CATSPERE: variants seen among roughly 807,000 people sequenced by gnomAD.
CATSPERE encodes cation channel sperm-associated auxiliary subunit epsilon.
CATSPERE carries 93 observed loss-of-function variants against 114.1 expected under a neutral mutation model. The observed-to-expected ratio is 0.81, with a 90% CI of 0.69 to 0.97. The LOEUF (loss-of-function observed/expected upper bound fraction) is 0.97, where lower values mean the gene tolerates loss of function less well. Ranked by LOEUF, CATSPERE falls within the 50% of genes least tolerant of loss-of-function variation. The pLI is 0.00. For missense variants in CATSPERE, 1,058 were observed against 1,131.6 expected (o/e 0.93, Z 0.93); for synonymous variants, 341 against 384.1 (o/e 0.89, Z 1.31).
chr1:244,542,609 T>C (rs1313614992), intron 8 of CATSPERE, among the ~76,000 whole-genome samples: 1 of 152,192 alleles, frequency 6.6e-6, no homozygotes, highest in Non-Finnish European at 1.5e-5. Context: ...TCTGAGTTAT[T>C]TCACTTAAGA....
At chr1:244,580,211 A>ATTTTTTTT (rs747379847) in intron 11 of CATSPERE, among the ~76,000 whole-genome samples, 12 of 110,838 alleles carry the variant, frequency 1.1e-4, no homozygotes, top group Non-Finnish European at 2.0e-4. Context: ...TAATTTTTGT[A>ATTTTTTTT]TTTTTTTTTT....
At chr1:244,603,570 G>T (rs1669563274) in intron 17 of CATSPERE, among the ~76,000 whole-genome samples, 2 of 151,744 alleles carry the variant, frequency 1.3e-5, no homozygotes, top group Non-Finnish European at 2.9e-5. Flanking sequence ...TACAAACCCA[G>T]AAATTATGGG....
intron 7 of CATSPERE, among the ~76,000 whole-genome samples, chr1:244,499,584 A>G (rs552567524): frequency 5.3e-4 from 78 of 147,634 alleles, no homozygotes; most frequent in African/African-American, 1.9e-3. Context: ...ATGAGTAAGA[A>G]CATGTGGTGT....
rs911029058 is a variant in CATSPERE, at chr1:244,568,925, T to C, written c.1508-3405T>C. ...AAAAACAAAAACAAAGACAAAAAAC[T>C]CCTGCAGCTAGCCTGGTGTCTGCCC... On this transcript the variant is annotated intron_variant, in intron 10 of 21. Transcript: ENST00000366534. This position sits in a 1 kb window ranked among gnomAD's most constrained non-coding sequence, Gnocchi z 4.4. Among the ~76,000 whole-genome samples the C allele has an allele frequency of 4.6e-5, 7 of 152,072 alleles. No homozygotes were observed. The highest frequency in any genetic ancestry group is 1.7e-4 in the African/African-American group (7 of 41,420).
intron 8 of CATSPERE, among the ~76,000 whole-genome samples, chr1:244,543,308 A>G (rs543173128): frequency 6.6e-6 from 1 of 152,296 alleles, no homozygotes; most frequent in South Asian, 2.1e-4. Context: ...AGCCTTCTAA[A>G]AAGAAGGAAA....
At chr1:244,501,555 T>C (rs768407407) in intron 7 of CATSPERE, among the ~76,000 whole-genome samples, 1 of 152,200 alleles carries the variant, frequency 6.6e-6, no homozygotes, top group African/African-American at 2.4e-5. Flanking sequence ...AAGGGAAGGA[T>C]TGATAAATCA....
Position 244,518,715 on chromosome 1 carries a change from A to G in CATSPERE, c.536+17A>G. 1 of 1,264,630 alleles carries G rather than the reference A, an allele frequency of 7.9e-7. No homozygotes were observed. The highest frequency in any genetic ancestry group is 1.1e-6 in the Non-Finnish European group (1 of 904,740). 78.3% of individuals were successfully genotyped at this position (1,264,630 alleles called of 1,614,324 possible). On this transcript the variant is annotated intron_variant, in intron 8 of 21. Coordinates refer to ENST00000366534, the MANE Select transcript of CATSPERE (RefSeq NM_001130957.2). ...GAGAAGGGGGTATTTAATTTTTTTT[A>G]ATTTTAAATATAGAAATATGAAAAC...
At chr1:244,549,561 A>G (rs902190423) in intron 8 of CATSPERE, among the ~76,000 whole-genome samples, 16 of 152,214 alleles carry the variant, frequency 1.1e-4, no homozygotes, top group Middle Eastern at 3.2e-3. Flanking sequence ...AATTTAAGTT[A>G]CAGAATATTG....
intron 21 of CATSPERE, among the ~76,000 whole-genome samples, chr1:244,639,557 G>A (rs564551210): frequency 1.6e-4 from 25 of 152,116 alleles, no homozygotes; most frequent in South Asian, 1.5e-3. Flanking sequence ...GGGTGTGGTG[G>A]TGCCCTCCTG....
chr1:244,476,812 A>G (rs1669427934), intron 2 of CATSPERE, among the ~76,000 whole-genome samples: 1 of 152,224 alleles, frequency 6.6e-6, no homozygotes, highest in African/African-American at 2.4e-5. Context: ...GGAAAAAAGT[A>G]GCTTTAGAAA....
chr1:244,625,432 A>ATATATTT (rs1189412299), intron 20 of CATSPERE, among the ~76,000 whole-genome samples: 1 of 3,976 alleles, frequency 2.5e-4, no homozygotes, highest in African/African-American at 7.0e-4. Context: ...ATATATATAT[A>ATATATTT]TTTTTTTTTT....
rs2148683275 is a variant in CATSPERE at position 244,607,927 on chromosome 1, T to C, written c.2403+2133T>C. Among the ~76,000 whole-genome samples the C allele has an allele frequency of 6.6e-6, 1 of 151,328 alleles. No individual in the cohort carries two copies. The highest frequency in any genetic ancestry group is 1.5e-5 in the Non-Finnish European group (1 of 67,852). On this transcript the variant is annotated intron_variant, in intron 18 of 21. Transcript: ENST00000366534. The surrounding 1 kb of genome is among the most constrained non-coding windows in gnomAD (Gnocchi z 4.4). The stretch of plus-strand genomic sequence containing the variant: ...AGGAGTTTGAGACTGACCAACATGG[T>C]GAAACCCCATATCTCCTAAAAATAA...
rs1223311033 is a variant in CATSPERE at position 244,617,523 on chromosome 1, G to A, written c.2491-6G>A. On this transcript the variant is annotated splice_region_variant and splice_polypyrimidine_tract_variant and intron_variant, in intron 19 of 21. Coordinates refer to ENST00000366534, the MANE Select transcript of CATSPERE (RefSeq NM_001130957.2). ...CTTAAAATTTTTGTCTTTGTTTCTTGTTCAGAACTATAAACACTGTTTTTC... is the reference window on the plus strand; with the variant it reads ...CTTAAAATTTTTGTCTTTGTTTCTTATTCAGAACTATAAACACTGTTTTTC... 1.3e-6 allele frequency: 2 copies of A among 1,484,306 alleles called. No individual in the cohort carries two copies. Among genetic ancestry groups the A allele is most frequent in the Non-Finnish European group, 8.9e-7 (1 of 1,123,090 alleles). The allele number at this position is 1,484,306 out of a possible 1,614,324, so 91.9% of individuals were successfully genotyped here. A position where few individuals can be genotyped will look rare whatever the true frequency, so the allele number is the denominator to read the frequency against.
At chr1:244,584,473 G>A (rs1666726272) in intron 13 of CATSPERE, among the ~76,000 whole-genome samples, 2 of 151,806 alleles carry the variant, frequency 1.3e-5, no homozygotes, top group South Asian at 2.1e-4. Context: ...AACATTCCAG[G>A]AAAAGGCATG....
upstream of CATSPERE, chr1:244,451,899 C>T: frequency 7.3e-7 from 1 of 1,367,206 alleles, no homozygotes; most frequent in Non-Finnish European, 9.6e-7. The surrounding 1 kb of genome is among the most constrained non-coding windows in gnomAD (Gnocchi z 6.6). Context: ...GGCCGCCAGC[C>T]ACATGCAGAG....
chr1:244,570,108 CATT>C (rs1169478374), intron 10 of CATSPERE, among the ~76,000 whole-genome samples: 1 of 152,078 alleles, frequency 6.6e-6, no homozygotes, highest in Non-Finnish European at 1.5e-5. Context: ...TGTATCTTTT[CATT>C]ATTTTTATTT....
chr1:244,608,747 A>G (rs1015869911), intron 18 of CATSPERE, among the ~76,000 whole-genome samples: 1 of 151,908 alleles, frequency 6.6e-6, no homozygotes, highest in Non-Finnish European at 1.5e-5. Context: ...CGTGAGCTCC[A>G]TAGTTCAATT....
chr1:244,554,386 T>G (rs1661258770), intron 9 of CATSPERE, among the ~76,000 whole-genome samples: 1 of 152,114 alleles, frequency 6.6e-6, no homozygotes, highest in African/African-American at 2.4e-5. Context: ...ATTGCCAGGC[T>G]GGGCAGGGTG....
chr1:244,461,244 C>G (rs1666696919), upstream of CATSPERE: 1 of 433,834 alleles, frequency 2.3e-6, no homozygotes. Context: ...CTCTAGGGAG[C>G]CCAGGTAGCG....
Sources: gnomAD v4.1 joint callset for allele counts (sites outside exome capture counted in the v4.1 genomes callset) on GRCh38, gnomAD v4.1.1 for gene constraint, Gnocchi (gnomAD v3.1) non-coding constraint, MANE v1.5 for transcripts, NCBI Gene and HGNC (gene_info 2026-07-23, HGNC 2026-07-21) for gene names.